The following TET1 variants were observed in gnomAD, a reference collection of about 807,000 sequenced individuals.
The protein encoded by TET1 is tet methylcytosine dioxygenase 1.
A neutral mutation model predicts 148.7 loss-of-function variants in TET1; 13 were observed. The ratio of observed to expected loss-of-function variants is 0.09; its 90% CI spans 0.06 to 0.14. The LOEUF is 0.14. Among genes scored for constraint, TET1 ranks in the 10% least tolerant of loss-of-function variants. TET1 has a pLI of 1.00. For missense variants in TET1, 2,182 were observed against 2,553.8 expected, an observed-to-expected ratio of 0.85 and a Z score of 3.14; for synonymous variants, 907 against 937.2, an observed-to-expected ratio of 0.97 and a Z score of 0.59.
Position 68,691,035 on chromosome 10 carries a change from A to G in TET1, c.5632A>G (p.Thr1878Ala), listed in dbSNP as rs2055583914. The G allele has an allele frequency of 6.2e-7, 1 of 1,613,882 alleles. No individual in the cohort carries two copies. Among genetic ancestry groups the G allele is most frequent in the Admixed American group, 1.7e-5 (1 of 59,986 alleles). ...ASCGFSERSS[T>A]PHCTMPSGRL... ...ATGCGGGTTTTCAGAAAGAAGCAGCACTCCCCACTGTACGATGCCTTCGGG... is the reference window on the plus strand; with the variant it reads ...ATGCGGGTTTTCAGAAAGAAGCAGCGCTCCCCACTGTACGATGCCTTCGGG... Residue 1878 changes from threonine to alanine, a missense_variant, in exon 12 of 12, where the codon ACT (threonine) becomes GCT (alanine). By Grantham distance (58) the Thr-to-Ala change is moderately conservative (BLOSUM62 0). This residue lies in a region of TET1 where 380 missense variants were observed against 387.9 expected (regional missense o/e 0.98). Transcript: ENST00000373644. The surrounding 1 kb of genome is among the most constrained non-coding windows in gnomAD (Gnocchi z 4.4).
intron 3 of TET1, among the ~76,000 whole-genome samples, chr10:68,621,312 G>A (rs1370741015): frequency 2.0e-5 from 3 of 151,964 alleles, no homozygotes; most frequent in East Asian, 1.9e-4. Flanking sequence ...GCGTGATCTC[G>A]GCTCAAAGCA....
At position 68,652,529 on chromosome 10, in the gene TET1, A is replaced by G; in HGVS notation, c.4396A>G (p.Ile1466Val). ...RYGQKGNAIR[I>V]EIVVYTGKEG... ...TGGTCAAAAAGGAAACGCAATAAGGATAGAAATAGTAGTGTACACCGGTAA... is the reference window on the plus strand; with the variant it reads ...TGGTCAAAAAGGAAACGCAATAAGGGTAGAAATAGTAGTGTACACCGGTAA... Residue 1466 changes from isoleucine to valine, a missense_variant, in exon 6 of 12, where the codon ATA (isoleucine) becomes GTA (valine). Physicochemically the swap from Ile to Val is conservative, Grantham distance 29 (BLOSUM62 3). Transcript: ENST00000373644. The G allele has an allele frequency of 6.2e-7, 1 of 1,612,856 alleles. No individual in the cohort carries two copies. The highest frequency in any genetic ancestry group is 8.5e-7 in the Non-Finnish European group (1 of 1,179,400).
At chr10:68,564,525 A>G (rs890563558) in intron 1 of TET1, among the ~76,000 whole-genome samples, 2 of 152,206 alleles carry the variant, frequency 1.3e-5, no homozygotes. Flanking sequence ...AATGTTTTAC[A>G]TCCCAGAAAT....
At chr10:68,581,473 C>T (rs976220240) in intron 2 of TET1, among the ~76,000 whole-genome samples, 5 of 152,108 alleles carry the variant, frequency 3.3e-5, no homozygotes, top group Non-Finnish European at 7.4e-5. Flanking sequence ...TAGAGCTATT[C>T]GCAGACATTA....
At chr10:68,671,708 C>T (rs1589127166) in intron 7 of TET1, among the ~76,000 whole-genome samples, 1 of 152,118 alleles carries the variant, frequency 6.6e-6, no homozygotes, top group Non-Finnish European at 1.5e-5. Flanking sequence ...TAAATGTAAC[C>T]GGTTTTCTGC....
At position 68,609,541 on chromosome 10, in the gene TET1, A is replaced by G. The variant is rs575726300; in HGVS notation, c.1968+8507A>G. Among the ~76,000 whole-genome samples, 4 of 152,320 alleles carry G rather than the reference A, an allele frequency of 2.6e-5. No homozygotes were observed. The East Asian group carries it at 7.7e-4, about 29-fold the overall frequency. ...GGGTGATCTTGAACTTCTGGGCTTA[A>G]GCAATCATCCTGCCTTAGCCTCCTC... On this transcript the variant is annotated intron_variant, in intron 3 of 11. Transcript: ENST00000373644.
intron 3 of TET1, among the ~76,000 whole-genome samples, chr10:68,635,437 A>G (rs933486030): frequency 6.6e-6 from 1 of 152,086 alleles, no homozygotes; most frequent in Admixed American, 6.6e-5. Flanking sequence ...CTTAACAGAA[A>G]CAACAACCTA....
chr10:68,578,729 C>T (rs751434764), intron 2 of TET1, among the ~76,000 whole-genome samples: 3 of 151,990 alleles, frequency 2.0e-5, no homozygotes, highest in African/African-American at 4.8e-5. Context: ...TGCTGAGTGA[C>T]GGATACACAT....
chr10:68,624,646 TTC>T (rs2054435913), intron 3 of TET1, among the ~76,000 whole-genome samples: 2 of 54,030 alleles, frequency 3.7e-5, no homozygotes, highest in Non-Finnish European at 6.5e-5. Flanking sequence ...CTTTCTTTCT[TTC>T]TTTCTTTCTT....
At position 68,572,715 on chromosome 10, in the gene TET1, A is replaced by G. The variant is rs1310382095; in HGVS notation, c.377A>G (p.Lys126Arg). 2 of 1,614,054 alleles carry G rather than the reference A, an allele frequency of 1.2e-6. No homozygotes were observed. Among genetic ancestry groups the G allele is most frequent in the Admixed American group, 1.7e-5 (1 of 59,990 alleles). ...SQPPLVVAKS[K>R]KVPLSKGLEK... The stretch of plus-strand genomic sequence containing the variant: ...CCCCCACTGGTCGTAGCCAAATCCA[A>G]AAAGGTTCCACTTTCTAAGGGTTTA... The change falls in exon 2 of 12, where the codon AAA becomes AGA. Residue 126 changes from lysine (K) to arginine (R), a missense_variant. Transcript: ENST00000373644.
At chr10:68,639,134 TTTC>T (rs1339496792) in intron 3 of TET1, among the ~76,000 whole-genome samples, 1 of 152,024 alleles carries the variant, frequency 6.6e-6, no homozygotes, top group Non-Finnish European at 1.5e-5. Context: ...TTATGAAGAT[TTTC>T]TTTTCTTTCT....
intron 1 of TET1, among the ~76,000 whole-genome samples, chr10:68,561,652 C>T (rs2053554792): frequency 6.6e-6 from 1 of 151,816 alleles, no homozygotes; most frequent in Admixed American, 6.6e-5. Flanking sequence ...CAACCTACCG[C>T]CCCCAGAGAA....
At chr10:68,602,175 G>T (rs1187444429) in intron 3 of TET1, among the ~76,000 whole-genome samples, 1 of 152,194 alleles carries the variant, frequency 6.6e-6, no homozygotes, top group Non-Finnish European at 1.5e-5. Context: ...AATGTGCTAG[G>T]CACTGTGAAA....
intron 3 of TET1, among the ~76,000 whole-genome samples, chr10:68,635,014 C>G (rs2054629937): frequency 6.6e-6 from 1 of 151,382 alleles, no homozygotes. Context: ...AGGCTGGTCT[C>G]AAACACCTGA....
intron 10 of TET1, 108 bp from the exon 11 acceptor site, chr10:68,686,248 G>A: frequency 1.1e-6 from 1 of 898,802 alleles, no homozygotes; most frequent in Non-Finnish European, 1.7e-6. Context: ...AAAATAAAAT[G>A]GGAATACAAA....
chr10:68,626,425 T>C (rs1037499592), intron 3 of TET1, among the ~76,000 whole-genome samples: 8 of 152,128 alleles, frequency 5.3e-5, no homozygotes, highest in Admixed American at 3.9e-4. Context: ...GGTCTCGAAC[T>C]CCTGGCCTCA....
At chr10:68,642,324 C>T (rs2054769462) in intron 3 of TET1, among the ~76,000 whole-genome samples, 3 of 152,068 alleles carry the variant, frequency 2.0e-5, no homozygotes, top group Admixed American at 2.0e-4. Context: ...GACCCAGCTA[C>T]TCAGAAGGGT....
intron 3 of TET1, among the ~76,000 whole-genome samples, chr10:68,641,315 G>C (rs768464735): frequency 2.0e-5 from 3 of 149,920 alleles, no homozygotes; most frequent in Non-Finnish European, 3.0e-5. Flanking sequence ...CGATTCTCCT[G>C]CCTGAGAGGC....
chr10:68,590,013 T>C (rs1411876393), intron 2 of TET1, among the ~76,000 whole-genome samples: 1 of 152,150 alleles, frequency 6.6e-6, no homozygotes, highest in Non-Finnish European at 1.5e-5. Context: ...GCTCATTACA[T>C]GGTTTACGTG....
Sources: allele counts gnomAD v4.1 joint callset (sites outside exome capture counted in the v4.1 genomes callset), GRCh38; gene constraint gnomAD v4.1.1; regional missense constraint gnomAD v4.1.1; non-coding constraint Gnocchi (gnomAD v3.1); transcripts MANE v1.5; gene names NCBI Gene and HGNC (gene_info 2026-07-23, HGNC 2026-07-21).